Variants in DNAH14 observed in about 807,000 individuals in gnomAD.
DNAH14 encodes dynein axonemal heavy chain 14.
DNAH14 carries 478 observed loss-of-function variants against 520.9 expected under a neutral mutation model. The observed-to-expected ratio is 0.92, with a 90% CI of 0.85 to 0.99. The LOEUF is 0.99. Among genes scored for constraint, DNAH14 ranks in the 50% least tolerant of loss-of-function variants. DNAH14 has a pLI of 0.00. For missense variants in DNAH14, 4,831 were observed against 5,234.5 expected (o/e 0.92, Z 2.38); for synonymous variants, 1,581 against 1,757.2 (o/e 0.90, Z 2.51).
chr1:224,963,348 C>A (rs1183596579), intron 4 of DNAH14, among the ~76,000 whole-genome samples: 2 of 151,904 alleles, frequency 1.3e-5, no homozygotes, highest in East Asian at 3.9e-4. Context: ...CCTTCACTAC[C>A]CCACATTTAT....
intron 27 of DNAH14, among the ~76,000 whole-genome samples, chr1:225,124,169 A>G (rs2077509119): frequency 6.6e-6 from 1 of 152,174 alleles, no homozygotes; most frequent in Non-Finnish European, 1.5e-5. Context: ...GCAAGTCATA[A>G]TATTGTTGCT....
chr1:225,390,925 T>C (rs940640779), intron 83 of DNAH14, among the ~76,000 whole-genome samples: 5 of 151,430 alleles, frequency 3.3e-5, no homozygotes, highest in African/African-American at 1.2e-4. Context: ...CACTACTAAG[T>C]GGAATGATTC....
chr1:225,318,482 T>A, intron 60 of DNAH14, 101 bp from the exon 61 acceptor site: 1 of 1,076,158 alleles, frequency 9.3e-7, no homozygotes, highest in South Asian at 1.8e-5. Flanking sequence ...ATGGGCATTG[T>A]AAAAATATCA....
chr1:225,341,889 G>C (rs2150389534), intron 69 of DNAH14, among the ~76,000 whole-genome samples: 1 of 152,264 alleles, frequency 6.6e-6, no homozygotes, highest in East Asian at 1.9e-4. Flanking sequence ...ACTGGAACTT[G>C]AAGGTTTCTC....
chr1:225,227,971 T>TA (rs1354135740), intron 41 of DNAH14, among the ~76,000 whole-genome samples: 2 of 152,170 alleles, frequency 1.3e-5, no homozygotes, highest in Admixed American at 1.3e-4. Flanking sequence ...TATCACTAAT[T>TA]ACAGTATATC....
At chr1:225,297,145 T>C (rs377562886) in intron 55 of DNAH14, among the ~76,000 whole-genome samples, 92 of 152,164 alleles carry the variant, frequency 6.0e-4, no homozygotes, top group African/African-American at 2.2e-3. Context: ...CTTGGTCTTA[T>C]CTATTGTAGA....
chr1:224,949,489 G>A (rs1455862423), intron 1 of DNAH14, among the ~76,000 whole-genome samples: 1 of 152,096 alleles, frequency 6.6e-6, no homozygotes, highest in Non-Finnish European at 1.5e-5. Context: ...TCTTCTTCCA[G>A]ACTCTTGATT....
At chr1:225,164,620 A>G (rs1195368648) in intron 35 of DNAH14, among the ~76,000 whole-genome samples, 1 of 151,898 alleles carries the variant, frequency 6.6e-6, no homozygotes, top group East Asian at 1.9e-4. Context: ...TTTGTTTGTT[A>G]TATTTATTCT....
chr1:225,198,231 T>G (rs2086396748), intron 38 of DNAH14, among the ~76,000 whole-genome samples: 1 of 152,004 alleles, frequency 6.6e-6, no homozygotes. Flanking sequence ...ATTTTTTTTT[T>G]TTTTTAGATG....
chr1:225,136,282 C>T (rs561372085), intron 27 of DNAH14, among the ~76,000 whole-genome samples: 1 of 152,216 alleles, frequency 6.6e-6, no homozygotes, highest in South Asian at 2.1e-4. Flanking sequence ...TGTTTTGTAG[C>T]AGCTGATAAT....
intron 4 of DNAH14, among the ~76,000 whole-genome samples, chr1:224,962,205 CT>C (rs1335538941): frequency 6.6e-6 from 1 of 152,122 alleles, no homozygotes; most frequent in African/African-American, 2.4e-5. Flanking sequence ...TTGCCTCCCC[CT>C]AAGTGGAAGC....
Position 225,264,743 on chromosome 1 carries a change from C to G in DNAH14, c.7223-439C>G, listed in dbSNP as rs188244881. On this transcript the variant is annotated intron_variant, in intron 47 of 85. Transcript: ENST00000682510. ...TCTCAAGAGGAAAAGATGGAATGGC[C>G]TAGAGATAGCTGTAGAAAGGGGAAG... Among the ~76,000 whole-genome samples, 332 of 152,144 alleles carry G rather than the reference C, an allele frequency of 2.2e-3. 7 individuals carry two copies. Among genetic ancestry groups the G allele is most frequent in the East Asian group, 0.019 (96 of 5,178 alleles).
At chr1:225,209,613 C>T (rs1459756302) in intron 41 of DNAH14, among the ~76,000 whole-genome samples, 1 of 152,020 alleles carries the variant, frequency 6.6e-6, no homozygotes, top group African/African-American at 2.4e-5. Context: ...ATAAAGACAA[C>T]AATAACAAGA....
At chr1:225,067,274 A>G (rs773483173) in intron 17 of DNAH14, among the ~76,000 whole-genome samples, 1 of 152,116 alleles carries the variant, frequency 6.6e-6, no homozygotes, top group Non-Finnish European at 1.5e-5. Flanking sequence ...AGCTTCATCC[A>G]TGTCCCTGCA....
At chr1:225,176,910 A>C in intron 36 of DNAH14, among the ~76,000 whole-genome samples, 1 of 152,214 alleles carries the variant, frequency 6.6e-6, no homozygotes, top group East Asian at 1.9e-4. Flanking sequence ...AACTGGTACC[A>C]GTAGAGTGGG....
chr1:225,008,599 G>GTTTTTTTTTTTTTTTTTTTTTTT (rs2064402092), intron 10 of DNAH14, among the ~76,000 whole-genome samples: 1 of 74,920 alleles, frequency 1.3e-5, no homozygotes, highest in Non-Finnish European at 2.5e-5. Context: ...TTTTTTTTTT[G>GTTTTTTTTTTTTTTTTTTTTTTT]TATTTTTAGT....
At chr1:225,013,185 G>T (rs1354795771) in intron 10 of DNAH14, among the ~76,000 whole-genome samples, 1 of 151,860 alleles carries the variant, frequency 6.6e-6, no homozygotes, top group East Asian at 1.9e-4. Flanking sequence ...TGATTCCATT[G>T]CTTTCTGTTT....
In DNAH14 at chr1:225,289,905, GA is replaced by G; in HGVS notation, c.8299del (p.Thr2767HisfsTer9). 8 of 1,428,570 alleles carry G rather than the reference GA, an allele frequency of 5.6e-6. No individual in the cohort carries two copies. The highest frequency in any genetic ancestry group is 3.3e-5 in the South Asian group (2 of 61,394). 88.5% of individuals were successfully genotyped at this position (1,428,570 alleles called of 1,614,324 possible). ...MLLIGIDGCGKKTCATLACYL... is the reference protein window; with the variant it reads ...MLLIGIDGCGXKTCATLACYL... The stretch of plus-strand genomic sequence containing the variant: ...CAAAGATTGGAATAGATGGATGTGG[GA>G]AAAAAACATGTGCAACCTTGGCCTG... On this transcript the variant is annotated frameshift_variant, in exon 55 of 86. Transcript: ENST00000682510. LOFTEE classifies it high-confidence loss of function.
intron 17 of DNAH14, among the ~76,000 whole-genome samples, chr1:225,059,666 A>G (rs1238051460): frequency 3.9e-5 from 6 of 152,110 alleles, no homozygotes; most frequent in Admixed American, 1.3e-4. Flanking sequence ...GGCTGGTACC[A>G]GTTGTTCCTT....
Sources: gnomAD v4.1 joint callset for allele counts (sites outside exome capture counted in the v4.1 genomes callset) on GRCh38, gnomAD v4.1.1 for gene constraint, MANE v1.5 for transcripts, NCBI Gene and HGNC (gene_info 2026-07-23, HGNC 2026-07-21) for gene names.